Variants in FBXL20 observed in about 807,000 individuals in gnomAD.
FBXL20 encodes the protein F-box/LRR-repeat protein 20.
A neutral mutation model predicts 64.0 loss-of-function variants in FBXL20; 11 were observed. The observed-to-expected ratio is 0.17, with a 90% CI of 0.11 to 0.28. The LOEUF is 0.28. Ranked by LOEUF, FBXL20 falls within the 10% of genes least tolerant of loss-of-function variation. FBXL20 has a pLI of 1.00. For synonymous variants in FBXL20, 184 were observed against 189.0 expected (o/e 0.97, Z 0.22); for missense variants, 303 against 526.2 (o/e 0.58, Z 4.15).
At chr17:39,287,351 C>T (rs1323105893) in intron 6 of FBXL20, among the ~76,000 whole-genome samples, 1 of 152,120 alleles carries the variant, frequency 6.6e-6, no homozygotes, top group African/African-American at 2.4e-5. Flanking sequence ...AAGAGTCACA[C>T]ATTCTCTTTG....
At chr17:39,322,895 C>T (rs1445105650) in intron 2 of FBXL20, among the ~76,000 whole-genome samples, 1 of 152,030 alleles carries the variant, frequency 6.6e-6, no homozygotes, top group African/African-American at 2.4e-5. Flanking sequence ...AGCTCCGCCT[C>T]CCGGGTTCAC....
intron 12 of FBXL20, among the ~76,000 whole-genome samples, chr17:39,268,375 A>T (rs1243922389): frequency 6.6e-6 from 1 of 152,148 alleles, no homozygotes; most frequent in Non-Finnish European, 1.5e-5. Flanking sequence ...AATAATAATT[A>T]AAAAATAAAA....
At chr17:39,322,163 CAAAAAAAAA>C (rs761771926) in intron 2 of FBXL20, among the ~76,000 whole-genome samples, 6 of 52,550 alleles carry the variant, frequency 1.1e-4, no homozygotes, top group East Asian at 5.9e-4. Flanking sequence ...CTATCTCTAC[CAAAAAAAAA>C]AAAAAAAAAA....
chr17:39,304,737 G>A lies in FBXL20; in HGVS notation c.105-1098C>T, dbSNP rs114018107. ...CTCCCAAATAGCTGGGACTAAAGGC[G>A]CATGCCACCATGCTCAGCTAATTTT... On this transcript the variant is annotated intron_variant, in intron 2 of 14. Coordinates refer to ENST00000264658, the MANE Select transcript of FBXL20 (RefSeq NM_032875.3). 9.4e-3 allele frequency among the ~76,000 whole-genome samples: 1,431 copies of A among 152,190 alleles called. 20 individuals are homozygous for A. Among genetic ancestry groups the A allele is most frequent in the African/African-American group, 0.033 (1,353 of 41,544 alleles).
At chr17:39,300,912 C>T (rs903499475) in intron 4 of FBXL20, 89 bp downstream of exon 4, 5 of 1,268,232 alleles carry the variant, frequency 3.9e-6, no homozygotes, top group Non-Finnish European at 2.2e-6. Context: ...CTCTCTTTAA[C>T]GAAAATGAGA....
intron 2 of FBXL20, among the ~76,000 whole-genome samples, chr17:39,337,224 G>C (rs1309852645): frequency 6.6e-6 from 1 of 152,230 alleles, no homozygotes; most frequent in Non-Finnish European, 1.5e-5. Context: ...CTAACCACGA[G>C]TGATCCGCCA....
At chr17:39,340,025 G>A (rs2144564246) in intron 2 of FBXL20, among the ~76,000 whole-genome samples, 1 of 152,208 alleles carries the variant, frequency 6.6e-6, no homozygotes, top group Non-Finnish European at 1.5e-5. Flanking sequence ...TGCCTCCCAA[G>A]GTTCAAGTGA....
intron 2 of FBXL20, among the ~76,000 whole-genome samples, chr17:39,313,863 G>A (rs1265966836): frequency 2.0e-5 from 3 of 151,768 alleles, no homozygotes; most frequent in East Asian, 1.9e-4. Flanking sequence ...TCCAACTCCC[G>A]ACCTCAAGTG....
At chr17:39,315,161 G>C (rs75742293) in intron 2 of FBXL20, among the ~76,000 whole-genome samples, 6,850 of 151,180 alleles carry the variant, frequency 0.045, 516 homozygotes, top group African/African-American at 0.16. Context: ...TCGAATTCCT[G>C]ACCTCAGGTG....
intron 1 of FBXL20, among the ~76,000 whole-genome samples, chr17:39,376,092 C>A (rs1033909319): frequency 4.6e-5 from 7 of 152,078 alleles, no homozygotes; most frequent in Non-Finnish European, 8.8e-5. Context: ...GCACTCCAGC[C>A]TGGGCGACAG....
intron 7 of FBXL20, among the ~76,000 whole-genome samples, chr17:39,285,068 A>T (rs1238774387): frequency 2.0e-5 from 3 of 151,930 alleles, no homozygotes; most frequent in Non-Finnish European, 4.4e-5. Flanking sequence ...ACCATGCCCA[A>T]CTAATTTTTA....
intron 1 of FBXL20, among the ~76,000 whole-genome samples, chr17:39,391,180 G>A (rs1380892354): frequency 1.3e-5 from 2 of 151,224 alleles, no homozygotes; most frequent in African/African-American, 4.9e-5. Flanking sequence ...ACTTTGGGTG[G>A]CCAAGGTGGG....
intron 2 of FBXL20, among the ~76,000 whole-genome samples, chr17:39,322,507 CTAAA>C (rs1451236415): frequency 6.6e-6 from 1 of 151,908 alleles, no homozygotes; most frequent in African/African-American, 2.4e-5. Context: ...TTTAATTTGA[CTAAA>C]TACTAAGATT....
chr17:39,398,985 A>G (rs963319122), intron 1 of FBXL20, among the ~76,000 whole-genome samples: 7 of 152,142 alleles, frequency 4.6e-5, no homozygotes, highest in African/African-American at 1.7e-4. Context: ...TTGGTTTTAA[A>G]TTAAAAAAAT....
intron 1 of FBXL20, among the ~76,000 whole-genome samples, chr17:39,364,117 T>C (rs1175574560): frequency 1.3e-5 from 2 of 152,054 alleles, no homozygotes; most frequent in Non-Finnish European, 2.9e-5. Context: ...CTCGAACTCC[T>C]GGCCTCAAGT....
rs2144351945 is a variant in FBXL20, at chr17:39,269,422, T to C, written c.889-551A>G. 1.3e-5 allele frequency among the ~76,000 whole-genome samples: 2 copies of C among 152,112 alleles called. 1 individual carries two copies. The highest frequency in any genetic ancestry group is 6.8e-3 in the Middle Eastern group (2 of 294). ...GTTAGCCAGGATGGTCTCGATCTCC[T>C]GACCTCGTGATCCGCCCGCCTCGGC... On this transcript the variant is annotated intron_variant, in intron 11 of 14. Transcript: ENST00000264658.
intron 2 of FBXL20, among the ~76,000 whole-genome samples, chr17:39,327,494 C>T (rs2047419732): frequency 6.6e-6 from 1 of 151,962 alleles, no homozygotes; most frequent in South Asian, 2.1e-4. Flanking sequence ...TTGGAGGTGT[C>T]AATATGAACT....
intron 6 of FBXL20, among the ~76,000 whole-genome samples, chr17:39,288,713 ATT>A (rs538176401): frequency 2.0e-5 from 3 of 148,892 alleles, no homozygotes; most frequent in Non-Finnish European, 3.0e-5. Context: ...TAGACGCATA[ATT>A]TTTTTTTTCC....
At position 39,270,874 on chromosome 17, in the gene FBXL20, A is replaced by C. The variant is rs1356417361; in HGVS notation, c.828-18T>G. Reference sequence around the variant, plus strand: ...CCAATATTCTGTTAAAAAAAAAAAAAAAACAGTGAAAGTCAAGCTCTTGGT... The same window carrying C: ...CCAATATTCTGTTAAAAAAAAAAAACAAACAGTGAAAGTCAAGCTCTTGGT... On this transcript the variant is annotated intron_variant, in intron 10 of 14. Transcript: ENST00000264658. 1.6e-5 allele frequency: 25 copies of C among 1,579,894 alleles called. No individual in the cohort carries two copies. Among genetic ancestry groups the C allele is most frequent in the Non-Finnish European group, 1.0e-5 (12 of 1,164,062 alleles).
Sources: allele counts gnomAD v4.1 joint callset (sites outside exome capture counted in the v4.1 genomes callset), GRCh38; gene constraint gnomAD v4.1.1; transcripts MANE v1.5; gene names NCBI Gene and HGNC (gene_info 2026-07-23, HGNC 2026-07-21).